The following ARL1 variants were observed in gnomAD, a reference collection of about 807,000 sequenced individuals.
ARL1 encodes ARF like GTPase 1, also known as ADP-ribosylation factor-like protein 1.
ARL1 carries 17 observed loss-of-function variants against 30.1 expected under a neutral mutation model. That is an observed-to-expected ratio of 0.56 (90% confidence interval 0.39 to 0.85). The LOEUF is 0.85. Among genes scored for constraint, ARL1 ranks in the 40% least tolerant of loss-of-function variants. The pLI is 0.00. For missense variants in ARL1, 102 were observed against 212.6 expected (o/e 0.48, Z 3.24); for synonymous variants, 58 against 71.7 (o/e 0.81, Z 0.97).
At chr12:101,404,596 C>T (rs567371840) in intron 2 of ARL1, among the ~76,000 whole-genome samples, 2 of 152,274 alleles carry the variant, frequency 1.3e-5, no homozygotes, top group East Asian at 1.9e-4. Context: ...TAGCCTCTTT[C>T]GTTTTAGTCC....
chr12:101,404,313 G>C (rs1254597529), intron 2 of ARL1, among the ~76,000 whole-genome samples: 1 of 151,992 alleles, frequency 6.6e-6, no homozygotes, highest in Non-Finnish European at 1.5e-5. Flanking sequence ...GGAGGTAGAG[G>C]TAGAGGTAGA....
Position 101,398,594 on chromosome 12 carries a change from C to T in ARL1, c.337-2017G>A, listed in dbSNP as rs766681976. Among the ~76,000 whole-genome samples, 14 of 151,772 alleles carry T rather than the reference C, an allele frequency of 9.2e-5. No individual in the cohort carries two copies. The East Asian group carries it at 1.2e-3, about 13-fold the overall frequency. On this transcript the variant is annotated intron_variant, in intron 4 of 5. Coordinates refer to ENST00000261636, the MANE Select transcript of ARL1 (RefSeq NM_001177.6). ...CCTCCCGTGTAGCTGGGATTACAGGCGTGCGCTACTACACCCGGCTCATTT... is the reference window on the plus strand; with the variant it reads ...CCTCCCGTGTAGCTGGGATTACAGGTGTGCGCTACTACACCCGGCTCATTT...
intron 4 of ARL1, among the ~76,000 whole-genome samples, chr12:101,398,773 C>T (rs962354924): frequency 4.6e-5 from 7 of 152,072 alleles, no homozygotes; most frequent in Admixed American, 2.0e-4. Context: ...AGTCCTGACT[C>T]GTACTTGGCC....
chr12:101,404,422 A>T (rs1871384847), intron 2 of ARL1, among the ~76,000 whole-genome samples: 1 of 152,200 alleles, frequency 6.6e-6, no homozygotes, highest in African/African-American at 2.4e-5. Context: ...GCACTCACTG[A>T]AACTCCAAAC....
intron 4 of ARL1, among the ~76,000 whole-genome samples, chr12:101,399,251 C>T (rs1044937402): frequency 2.4e-4 from 36 of 152,206 alleles, no homozygotes; most frequent in African/African-American, 8.2e-4. Flanking sequence ...AATCCCAGTA[C>T]TTTGGGAGGC....
At chr12:101,398,130 G>A (rs994741588) in intron 4 of ARL1, among the ~76,000 whole-genome samples, 1 of 151,908 alleles carries the variant, frequency 6.6e-6, no homozygotes, top group African/African-American at 2.4e-5. Context: ...AGGCACGGTG[G>A]CTCACATCTG....
At chr12:101,398,131 C>T (rs1003621274) in intron 4 of ARL1, among the ~76,000 whole-genome samples, 1 of 152,008 alleles carries the variant, frequency 6.6e-6, no homozygotes. Flanking sequence ...GGCACGGTGG[C>T]TCACATCTGT....
At chr12:101,407,338 G>A (rs1871473552) in intron 1 of ARL1, 1 of 371,352 alleles carries the variant, frequency 2.7e-6, no homozygotes, top group Non-Finnish European at 4.8e-6. Context: ...TGGAGCTGGG[G>A]ATGAGGGAAA....
At chr12:101,396,618 T>G in intron 4 of ARL1, 41 bp from the exon 5 acceptor site, 1 of 1,544,112 alleles carries the variant, frequency 6.5e-7, no homozygotes, top group Non-Finnish European at 8.9e-7. Context: ...TTAACTAATG[T>G]GCTCTCTCGA....
chr12:101,396,318 C>T (rs767497521), intron 5 of ARL1, 81 bp downstream of exon 5: 13 of 1,560,796 alleles, frequency 8.3e-6, no homozygotes, highest in African/African-American at 4.1e-5. Flanking sequence ...ATCCTCAACA[C>T]GGGAGAAAAA....
chr12:101,406,072 C>A, intron 1 of ARL1, 91 bp from the exon 2 acceptor site: 2 of 1,031,906 alleles, frequency 1.9e-6, no homozygotes, highest in Non-Finnish European at 2.7e-6. Context: ...GAGCTAAATA[C>A]CAAATTAAAT....
At chr12:101,403,941 T>C (rs1198218004) in intron 2 of ARL1, among the ~76,000 whole-genome samples, 1 of 151,628 alleles carries the variant, frequency 6.6e-6, no homozygotes, top group Admixed American at 6.6e-5. Context: ...GCCTGGGCAA[T>C]AGAGTGAGAC....
At chr12:101,401,439 CCAGCCTGACCAA>C (rs1871301759) in intron 3 of ARL1, 2 of 207,940 alleles carry the variant, frequency 9.6e-6, no homozygotes, top group Middle Eastern at 3.5e-3. Context: ...GAGTTCGAGA[CCAGCCTGACCAA>C]CATGGAGAAA....
rs764417194 is a variant in ARL1 at position 101,402,989 on chromosome 12, T to G, written c.143-43A>C. 5.9e-6 allele frequency: 8 copies of G among 1,353,108 alleles called. No homozygotes were observed. The Admixed American group carries it at 1.4e-4, about 24-fold the overall frequency. The allele number at this position is 1,353,108 out of a possible 1,614,324, so 83.8% of individuals were successfully genotyped here. ...TCAGTGGTATGTGTAGACTAATACA[T>G]TCCACCTTCAAAATATCCTATCTAA... On this transcript the variant is annotated intron_variant, in intron 2 of 5. Transcript: ENST00000261636.
rs1253106288 is a variant in ARL1, at chr12:101,394,151, G to A, written c.*1489C>T. On this transcript the variant is annotated 3_prime_UTR_variant, in exon 6 of 6. Transcript: ENST00000261636. ...GGTGAGAGTCCCACGGGTGAAGGGAGAAAGCAGCAGAGAATGAATATAAGC... is the reference window on the plus strand; with the variant it reads ...GGTGAGAGTCCCACGGGTGAAGGGAAAAAGCAGCAGAGAATGAATATAAGC... The A allele has an allele frequency of 6.6e-6, 1 of 152,172 alleles. No individual in the cohort carries two copies. Among genetic ancestry groups the A allele is most frequent in the East Asian group, 1.9e-4 (1 of 5,206 alleles). The allele number at this position is 152,172 out of a possible 1,614,324, so 9.4% of individuals were successfully genotyped here.
At chr12:101,407,776 G>A (rs1220517765), upstream of ARL1, 2 of 1,365,818 alleles carry the variant, frequency 1.5e-6, no homozygotes, top group Non-Finnish European at 1.0e-6. Flanking sequence ...GGGCGGGAGC[G>A]AGGGTCAGCT....
chr12:101,398,396 C>CAA (rs199846146), intron 4 of ARL1, among the ~76,000 whole-genome samples: 3 of 115,098 alleles, frequency 2.6e-5, no homozygotes, highest in Non-Finnish European at 3.7e-5. Flanking sequence ...AACTCCGTCT[C>CAA]AAAAAAAAAA....
chr12:101,403,017 G>GCTGTAACTCAATTAGAT, intron 2 of ARL1, 71 bp from the exon 3 acceptor site: 1 of 931,196 alleles, frequency 1.1e-6, no homozygotes, highest in African/African-American at 1.6e-5. Context: ...CTATCTAATT[G>GCTGTAACTCAATTAGAT]AGTTACAGCA....
chr12:101,400,180 G>C (rs554269835), intron 4 of ARL1: 2 of 151,962 alleles, frequency 1.3e-5, no homozygotes, highest in African/African-American at 4.8e-5. Flanking sequence ...TGACCTGCCC[G>C]CCTCGGCCTC....
Sources: gnomAD v4.1 joint callset for allele counts (sites outside exome capture counted in the v4.1 genomes callset) on GRCh38, gnomAD v4.1.1 for gene constraint, MANE v1.5 for transcripts, NCBI Gene and HGNC (gene_info 2026-07-23, HGNC 2026-07-21) for gene names.